Variants in TARS3 observed in about 807,000 individuals in gnomAD.
TARS3 encodes threonine--tRNA ligase 2, cytoplasmic.
Under a neutral mutation model 103.5 loss-of-function variants are expected in TARS3, and 94 were observed. That is an observed-to-expected ratio of 0.91 (90% confidence interval 0.77 to 1.08). The LOEUF is 1.08. Ranked by LOEUF, TARS3 falls within the 50% of genes least tolerant of loss-of-function variation. The probability of loss-of-function intolerance (pLI) is 0.00; values close to 1 mark genes in which losing one functional copy is unlikely to be tolerated. For missense variants in TARS3, 952 were observed against 995.2 expected (o/e 0.96, Z 0.58); for synonymous variants, 416 against 355.4 (o/e 1.17, Z -1.92).
chr15:101,672,598 T>G (rs1897854624), intron 13 of TARS3, among the ~76,000 whole-genome samples: 2 of 62,634 alleles, frequency 3.2e-5, no homozygotes, highest in Non-Finnish European at 4.8e-5. Flanking sequence ...TCAAGAAAGC[T>G]GACTCCTGGG....
In TARS3 at chr15:101,686,048, T is replaced by TTTGTGATA. The variant is rs781294143; in HGVS notation, c.1327_1334dup (p.Lys445AsnfsTer49). On this transcript the variant is annotated frameshift_variant, in exon 11 of 19. Coordinates refer to ENST00000335968, the MANE Select transcript of TARS3 (RefSeq NM_152334.3). LOFTEE classifies it high-confidence loss of function. The stretch of plus-strand genomic sequence containing the variant: ...GAGAGAGCACCTCCGTGAAGTCCCG[T>TTTGTGATA]TTGTGATATTCCTCCTTCAAGATAC... 1.4e-5 allele frequency: 23 copies of TTTGTGATA among 1,607,366 alleles called. No homozygotes were observed. The highest frequency in any genetic ancestry group is 2.0e-5 in the Non-Finnish European group (23 of 1,175,872).
chr15:101,707,189 G>T (rs1899611740), intron 6 of TARS3, among the ~76,000 whole-genome samples: 1 of 152,068 alleles, frequency 6.6e-6, no homozygotes, highest in Non-Finnish European at 1.5e-5. Context: ...AACAAAACAA[G>T]TGTTGGCAAG....
At position 101,723,088 on chromosome 15, in the gene TARS3, C is replaced by T. The variant is rs1367124007; in HGVS notation, c.369+5G>A. On this transcript the variant is annotated splice_donor_5th_base_variant and intron_variant, in intron 2 of 18. Coordinates refer to ENST00000335968, the MANE Select transcript of TARS3 (RefSeq NM_152334.3). Reference sequence around the variant, plus strand: ...TTTTATATTGTTTCCACAGCAACAACTTACCTCGCTGTCAGCCTCGCTTTC... The same window carrying T: ...TTTTATATTGTTTCCACAGCAACAATTTACCTCGCTGTCAGCCTCGCTTTC... The T allele has an allele frequency of 6.2e-7, 1 of 1,613,894 alleles. No individual in the cohort carries two copies. Among genetic ancestry groups the T allele is most frequent in the East Asian group, 2.2e-5 (1 of 44,892 alleles).
At chr15:101,655,370 G>T (rs1251603922) in intron 18 of TARS3, among the ~76,000 whole-genome samples, 1 of 141,662 alleles carries the variant, frequency 7.1e-6, no homozygotes, top group Non-Finnish European at 1.5e-5. Flanking sequence ...AAATGAGAGG[G>T]GGGAGCTCTT....
At chr15:101,661,293 T>C (rs1596281467) in intron 16 of TARS3, among the ~76,000 whole-genome samples, 1 of 151,710 alleles carries the variant, frequency 6.6e-6, no homozygotes. Flanking sequence ...TCAGTGGCTG[T>C]AGGGAACCCC....
chr15:101,666,360 C>T (rs947663123), intron 15 of TARS3, among the ~76,000 whole-genome samples: 5 of 151,144 alleles, frequency 3.3e-5, no homozygotes, highest in African/African-American at 1.2e-4. Context: ...CCTATAGTCC[C>T]AGTTACTCAG....
At chr15:101,660,495 C>T (rs1008002793) in intron 16 of TARS3, among the ~76,000 whole-genome samples, 3 of 152,180 alleles carry the variant, frequency 2.0e-5, no homozygotes, top group Non-Finnish European at 4.4e-5. Context: ...TTCCTGGCAG[C>T]ACCTAAGTAC....
chr15:101,657,142 C>A, intron 17 of TARS3, 106 bp from the exon 18 acceptor site: 2 of 689,716 alleles, frequency 2.9e-6, no homozygotes, highest in South Asian at 1.8e-5. Flanking sequence ...TAGTTCCCTG[C>A]TCACTATACC....
At chr15:101,689,887 G>C (rs754023718) in intron 10 of TARS3, among the ~76,000 whole-genome samples, 2 of 152,202 alleles carry the variant, frequency 1.3e-5, no homozygotes, top group Non-Finnish European at 2.9e-5. Context: ...GGCGAATGTG[G>C]AATGAGTGAT....
At chr15:101,656,889 G>A (rs1229135987) in intron 18 of TARS3, 33 bp downstream of exon 18, 1 of 1,395,558 alleles carries the variant, frequency 7.2e-7, no homozygotes, top group Non-Finnish European at 1.0e-6. Flanking sequence ...GGAAAAAAAA[G>A]CATTTGGAAA....
intron 1 of TARS3, 90 bp downstream of exon 1, chr15:101,724,001 C>T: frequency 1.6e-6 from 2 of 1,223,776 alleles, no homozygotes; most frequent in South Asian, 4.3e-5. Flanking sequence ...GGCGCCCCCG[C>T]ACCTGCCCCC....
chr15:101,699,554 A>G (rs1362470067), intron 10 of TARS3: 4 of 422,438 alleles, frequency 9.5e-6, no homozygotes, highest in African/African-American at 4.1e-5. Context: ...TTTCCAGAGA[A>G]GACAGCACAT....
rs1188536391 is a variant in TARS3, at chr15:101,676,624, G to A, written c.1651-887C>T. On this transcript the variant is annotated intron_variant, in intron 12 of 18. Coordinates refer to ENST00000335968, the MANE Select transcript of TARS3 (RefSeq NM_152334.3). The stretch of plus-strand genomic sequence containing the variant: ...AGCGGTTCTCATGCCTCAGGCTCCC[G>A]AGTAGCTGGAACTACAGGTGCTCGC... Among the ~76,000 whole-genome samples, 9 of 151,892 alleles carry A rather than the reference G, an allele frequency of 5.9e-5. No homozygotes were observed. In the East Asian group the frequency reaches 9.7e-4, roughly 16 times the overall value.
At chr15:101,661,578 T>C in intron 16 of TARS3, 134 bp downstream of exon 16, 2 of 558,744 alleles carry the variant, frequency 3.6e-6, no homozygotes, top group South Asian at 3.0e-5. Flanking sequence ...AAAGGCCCTT[T>C]CTTTTGTTAC....
chr15:101,715,856 G>A (rs746797984), intron 3 of TARS3, among the ~76,000 whole-genome samples: 33 of 152,152 alleles, frequency 2.2e-4, no homozygotes, highest in African/African-American at 5.8e-4. Flanking sequence ...GGGATGTACC[G>A]TTGACAGATT....
rs1162166688 is a variant in TARS3, at chr15:101,724,359, G to A, written c.29C>T (p.Ala10Val). 1 of 1,538,616 alleles carries A rather than the reference G, an allele frequency of 6.5e-7. No individual in the cohort carries two copies. The highest frequency in any genetic ancestry group is 8.7e-7 in the Non-Finnish European group (1 of 1,149,042). ...CTGCCGCTCCAGGCGCGACGCCACG[G>A]CCTCCGCCGCCAGGGCCTCGGCCGC... MAAEALAAE[A>V]VASRLERQEE... Residue 10 changes from alanine (A) to valine (V), a missense_variant, in exon 1 of 19, where the codon GCC becomes GTC. Around this residue, in one of 2 missense-constraint regions of TARS3, gnomAD observed 412 missense variants for 364.2 expected, o/e 1.13. Coordinates refer to ENST00000335968, the MANE Select transcript of TARS3 (RefSeq NM_152334.3).
chr15:101,667,162 C>A (rs1897613234), intron 15 of TARS3, among the ~76,000 whole-genome samples: 1 of 151,994 alleles, frequency 6.6e-6, no homozygotes, highest in Non-Finnish European at 1.5e-5. Context: ...CAACAGTGGG[C>A]TTAAAATATT....
chr15:101,668,527 G>A (rs1897670652), intron 15 of TARS3, among the ~76,000 whole-genome samples: 1 of 152,158 alleles, frequency 6.6e-6, no homozygotes, highest in South Asian at 2.1e-4. Flanking sequence ...AATACTGCAA[G>A]AATTACCTAA....
At chr15:101,714,421 T>C (rs968235638) in intron 4 of TARS3, among the ~76,000 whole-genome samples, 3 of 151,694 alleles carry the variant, frequency 2.0e-5, no homozygotes, top group Non-Finnish European at 2.9e-5. Context: ...CTGGGCAACA[T>C]AGCAAAACCC....
Sources: gnomAD v4.1 joint callset for allele counts (sites outside exome capture counted in the v4.1 genomes callset) on GRCh38, gnomAD v4.1.1 for gene constraint, gnomAD v4.1.1 regional missense constraint, MANE v1.5 for transcripts, NCBI Gene and HGNC (gene_info 2026-07-23, HGNC 2026-07-21) for gene names.